Variants in GAB1 observed in about 807,000 individuals in gnomAD.
GAB1 encodes the protein GRB2-associated-binding protein 1.
GAB1 carries 19 observed loss-of-function variants against 66.5 expected under a neutral mutation model. The observed-to-expected ratio is 0.29, with a 90% CI of 0.20 to 0.42. The LOEUF (loss-of-function observed/expected upper bound fraction) is 0.42. Among genes scored for constraint, GAB1 ranks in the 10% least tolerant of loss-of-function variants. GAB1 has a pLI of 1.00. For synonymous variants in GAB1, 294 were observed against 301.4 expected (o/e 0.98, Z 0.25); for missense variants, 732 against 858.5 (o/e 0.85, Z 1.84).
At chr4:143,432,815 A>G (rs1302730563) in intron 2 of GAB1, among the ~76,000 whole-genome samples, 1 of 152,196 alleles carries the variant, frequency 6.6e-6, no homozygotes, top group East Asian at 1.9e-4. Context: ...CTCTCAGAAC[A>G]TAGTTAAGGG....
At chr4:143,381,620 A>G (rs749551901) in intron 1 of GAB1, among the ~76,000 whole-genome samples, 3 of 152,236 alleles carry the variant, frequency 2.0e-5, no homozygotes, top group Admixed American at 6.5e-5. Flanking sequence ...TAAAGTGCTT[A>G]GAACAGTCCC....
At chr4:143,389,478 G>A (rs1447445441) in intron 1 of GAB1, among the ~76,000 whole-genome samples, 1 of 152,198 alleles carries the variant, frequency 6.6e-6, no homozygotes, top group African/African-American at 2.4e-5. Flanking sequence ...GGCGCTTGTA[G>A]CATAAAATAT....
intron 2 of GAB1, among the ~76,000 whole-genome samples, chr4:143,423,123 G>A (rs749213518): frequency 2.0e-5 from 3 of 152,146 alleles, no homozygotes. Context: ...TGCAATGTTC[G>A]AGAATATTTA....
chr4:143,424,316 G>C (rs898016480), intron 2 of GAB1, among the ~76,000 whole-genome samples: 3 of 152,182 alleles, frequency 2.0e-5, no homozygotes, highest in Admixed American at 1.3e-4. Context: ...TGTGAATACA[G>C]TGTGTAGGAT....
Position 143,425,111 on chromosome 4 carries a change from A to G in GAB1, c.368-8380A>G, listed in dbSNP as rs555502836. 405 of 862,136 alleles carry G rather than the reference A, an allele frequency of 4.7e-4. 3 individuals carry two copies. The Admixed American group carries it at 6.1e-3, about 13-fold the overall frequency. The allele number at this position is 862,136 out of a possible 1,614,324, so 53.4% of individuals were successfully genotyped here. A position where few individuals can be genotyped will look rare whatever the true frequency, so the allele number is the denominator to read the frequency against. On this transcript the variant is annotated intron_variant, in intron 2 of 9. Coordinates refer to ENST00000262994, the MANE Select transcript of GAB1 (RefSeq NM_002039.4). The stretch of plus-strand genomic sequence containing the variant: ...AGGATGTCCTTAAGTTCCTTGCAGC[A>G]GGAACCCACTTAGGTGGCACCAGTC...
At chr4:143,408,294 T>A (rs1732172789) in intron 1 of GAB1, among the ~76,000 whole-genome samples, 1 of 152,184 alleles carries the variant, frequency 6.6e-6, no homozygotes, top group Admixed American at 6.5e-5. Context: ...TTTTTAAAAT[T>A]ATAAAAGCAA....
chr4:143,394,976 A>G (rs1238786185), intron 1 of GAB1: 1 of 152,174 alleles, frequency 6.6e-6, no homozygotes, highest in Non-Finnish European at 1.5e-5. Flanking sequence ...GATGTTTGAG[A>G]GGACAAGATT....
At chr4:143,364,189 CAAA>C (rs779207437) in intron 1 of GAB1, among the ~76,000 whole-genome samples, 10 of 81,454 alleles carry the variant, frequency 1.2e-4, no homozygotes, top group Admixed American at 1.3e-4. Flanking sequence ...ACTTCGTCTC[CAAA>C]AAAAAAAAAA....
intron 1 of GAB1, among the ~76,000 whole-genome samples, chr4:143,375,650 A>G (rs192338337): frequency 6.6e-6 from 1 of 152,346 alleles, no homozygotes; most frequent in East Asian, 1.9e-4. Context: ...GTTTAGGAGT[A>G]TGAAAGCAAA....
intron 1 of GAB1, among the ~76,000 whole-genome samples, chr4:143,380,003 T>G (rs1730589033): frequency 6.7e-6 from 1 of 150,248 alleles, no homozygotes; most frequent in Admixed American, 6.7e-5. Context: ...GGGTCCATTC[T>G]GAACCATACC....
chr4:143,425,564 G>C (rs1398348923), intron 2 of GAB1: 5 of 762,832 alleles, frequency 6.6e-6, no homozygotes, highest in Non-Finnish European at 1.2e-5. Flanking sequence ...CCGTGGGTTT[G>C]ATGTGGATGC....
At position 143,438,330 on chromosome 4, in the gene GAB1, A is replaced by G. The variant is rs1578715808; in HGVS notation, c.925A>G (p.Ile309Val). 1.2e-6 allele frequency: 2 copies of G among 1,614,022 alleles called. No homozygotes were observed. The highest frequency in any genetic ancestry group is 1.7e-5 in the Admixed American group (1 of 59,998). Residue 309 changes from isoleucine (I) to valine (V), a missense_variant, in exon 4 of 10, where the codon ATT becomes GTT. This residue lies in a region of GAB1 where 427 missense variants were observed against 420.6 expected (regional missense o/e 1.02). Transcript: ENST00000262994. ...QMRHVSISYD[I>V]PPTPGNTYQI... ...GAGGCATGTATCTATTAGTTATGAC[A>G]TTCCTCCAACACCTGGTAATACTTA...
intron 1 of GAB1, chr4:143,395,230 C>T (rs537638523): frequency 6.6e-6 from 1 of 152,112 alleles, no homozygotes; most frequent in Admixed American, 6.5e-5. Flanking sequence ...TGTCTTCCTC[C>T]ACTAAAATTT....
intron 2 of GAB1, chr4:143,417,344 A>G: frequency 2.8e-6 from 1 of 360,624 alleles, no homozygotes. Context: ...GAAAGAGCTG[A>G]GTGACTAGAG....
chr4:143,423,422 G>A (rs1560758845), intron 2 of GAB1, among the ~76,000 whole-genome samples: 1 of 152,094 alleles, frequency 6.6e-6, no homozygotes, highest in Non-Finnish European at 1.5e-5. Flanking sequence ...CTTCAGCTGG[G>A]CACGGTGGCT....
At position 143,336,924 on chromosome 4, in the gene GAB1, C is replaced by A. The variant is rs1270853029; in HGVS notation, c.-265C>A. ...TGCTGAGGCAGCTGGCGAGACGGCA[C>A]GTCTGGAGGCGAGGCGGGCGCACTG... is the stretch of plus-strand genomic sequence containing the variant. On this transcript the variant is annotated 5_prime_UTR_variant, in exon 1 of 10. Coordinates refer to ENST00000262994, the MANE Select transcript of GAB1 (RefSeq NM_002039.4). 1 of 466,652 alleles carries A rather than the reference C, an allele frequency of 2.1e-6. No homozygotes were observed. The highest frequency in any genetic ancestry group is 3.8e-5 in the East Asian group (1 of 26,332). The allele number at this position is 466,652 out of a possible 1,614,324, so 28.9% of individuals were successfully genotyped here.
chr4:143,461,681 G>A (rs534638391), intron 8 of GAB1, among the ~76,000 whole-genome samples: 2 of 152,282 alleles, frequency 1.3e-5, no homozygotes, highest in South Asian at 2.1e-4. Context: ...ATGGGAGAGG[G>A]GAGAGCAGGT....
chr4:143,413,682 C>T (rs1732514039), intron 1 of GAB1, among the ~76,000 whole-genome samples: 1 of 151,736 alleles, frequency 6.6e-6, no homozygotes, highest in South Asian at 2.1e-4. Flanking sequence ...TATTTTTTTC[C>T]ACAATTAGTC....
chr4:143,391,268 A>G (rs1306962020), intron 1 of GAB1, among the ~76,000 whole-genome samples: 1 of 152,256 alleles, frequency 6.6e-6, no homozygotes, highest in Non-Finnish European at 1.5e-5. Flanking sequence ...TACATAGCAC[A>G]TATCTCCCAT....
Sources: allele counts gnomAD v4.1 joint callset (sites outside exome capture counted in the v4.1 genomes callset), GRCh38; gene constraint gnomAD v4.1.1; regional missense constraint gnomAD v4.1.1; transcripts MANE v1.5; gene names NCBI Gene and HGNC (gene_info 2026-07-23, HGNC 2026-07-21).